The following KIAA1549L variants were observed in gnomAD, a reference collection of about 807,000 sequenced individuals.
The protein encoded by KIAA1549L is KIAA1549 like, also known as UPF0606 protein KIAA1549L.
In KIAA1549L, 88 loss-of-function variants were observed where a neutral mutation model predicts 160.7. The ratio of observed to expected loss-of-function variants is 0.55; its 90% CI spans 0.46 to 0.65. The LOEUF is 0.65. Ranked by LOEUF, KIAA1549L falls within the 30% of genes least tolerant of loss-of-function variation. The pLI is 0.00. For missense variants in KIAA1549L, 2,258 were observed against 2,437.5 expected, an observed-to-expected ratio of 0.93 and a Z score of 1.55; for synonymous variants, 950 against 976.7, an observed-to-expected ratio of 0.97 and a Z score of 0.51.
At chr11:33,638,116 T>A (rs1460568903) in intron 16 of KIAA1549L, among the ~76,000 whole-genome samples, 1 of 152,270 alleles carries the variant, frequency 6.6e-6, no homozygotes, top group Middle Eastern at 3.4e-3. Context: ...TATGGGAAAA[T>A]TGACATATGG....
rs527339654 is a variant in KIAA1549L, at chr11:33,629,891, G to C, written c.5409+11229G>C. Reference sequence around the variant, plus strand: ...GCTTTTTAGAGTTTCCAGTTTTTCTGCTCTGTTTTTCCCCATCTTTGTGGT... The same window carrying C: ...GCTTTTTAGAGTTTCCAGTTTTTCTCCTCTGTTTTTCCCCATCTTTGTGGT... On this transcript the variant is annotated intron_variant, in intron 16 of 20. Coordinates refer to ENST00000658780, the MANE Select transcript of KIAA1549L (RefSeq NM_012194.3). Among the ~76,000 whole-genome samples the C allele has an allele frequency of 3.9e-3, 274 of 69,426 alleles. 3 individuals carry two copies. Among genetic ancestry groups the C allele is most frequent in the African/African-American group, 0.034 (263 of 7,794 alleles). 45.5% of individuals were successfully genotyped at this position (69,426 alleles called of 152,430 possible). A position where few individuals can be genotyped will look rare whatever the true frequency, so the allele number is the denominator to read the frequency against.
intron 19 of KIAA1549L, among the ~76,000 whole-genome samples, chr11:33,659,208 C>G (rs1450875673): frequency 6.6e-6 from 1 of 152,214 alleles, no homozygotes; most frequent in Non-Finnish European, 1.5e-5. Flanking sequence ...CATCCACCCC[C>G]ATTTCATTCC....
chr11:33,501,811 C>A (rs1852955780), intron 1 of KIAA1549L, among the ~76,000 whole-genome samples: 1 of 152,060 alleles, frequency 6.6e-6, no homozygotes, highest in Non-Finnish European at 1.5e-5. Context: ...TCCAAGGTAG[C>A]TACAATTATC....
chr11:33,573,006 T>A (rs996154357), intron 9 of KIAA1549L, among the ~76,000 whole-genome samples: 7 of 152,254 alleles, frequency 4.6e-5, no homozygotes. Flanking sequence ...TAGAGTGGTC[T>A]CTTGTGGTTT....
chr11:33,377,952 G>A (rs1849990184), intron 1 of KIAA1549L, among the ~76,000 whole-genome samples: 1 of 152,160 alleles, frequency 6.6e-6, no homozygotes, highest in Admixed American at 6.5e-5. Context: ...TGGTGCTTGT[G>A]CTTGCGAGTT....
chr11:33,454,062 G>A (rs1851773582), intron 1 of KIAA1549L, among the ~76,000 whole-genome samples: 2 of 152,180 alleles, frequency 1.3e-5, no homozygotes, highest in Admixed American at 6.5e-5. Context: ...TTAAGGGCAA[G>A]CATGCGATCC....
chr11:33,645,588 T>G, intron 16 of KIAA1549L, 98 bp from the exon 17 acceptor site: 1 of 882,844 alleles, frequency 1.1e-6, no homozygotes, highest in Non-Finnish European at 1.8e-6. Flanking sequence ...CACAGATGCA[T>G]CCTAGCACCT....
intron 16 of KIAA1549L, among the ~76,000 whole-genome samples, chr11:33,639,626 G>A (rs987428398): frequency 1.3e-5 from 2 of 152,048 alleles, no homozygotes; most frequent in East Asian, 1.9e-4. Flanking sequence ...TGCAACCTCC[G>A]CCTCCCGGGC....
chr11:33,510,772 C>T (rs544868739), intron 1 of KIAA1549L, among the ~76,000 whole-genome samples: 6 of 152,342 alleles, frequency 3.9e-5, no homozygotes, highest in Admixed American at 6.5e-5. Flanking sequence ...GTGCAGAGGC[C>T]GCTCCAGTGG....
chr11:33,591,286 C>A lies in KIAA1549L; in HGVS notation c.4616C>A (p.Ala1539Glu), dbSNP rs1223711249. ...YAKQHLGQQG[A>E]DEEVIPVTQE... ...AAGCAACACCTGGGCCAGCAAGGGG[C>A]AGATGAGGAGGTCATCCCTGTGACT... The change falls in exon 12 of 21, where the codon GCA becomes GAA. Residue 1539 changes from alanine to glutamate, a missense_variant. By Grantham distance (107) the Ala-to-Glu change is moderately radical. Around this residue, in one of 6 missense-constraint regions of KIAA1549L, gnomAD observed 1,359 missense variants for 1,546.6 expected, o/e 0.88. Transcript: ENST00000658780. 6.2e-7 allele frequency: 1 copy of A among 1,613,486 alleles called. No individual in the cohort carries two copies. The highest frequency in any genetic ancestry group is 1.3e-5 in the African/African-American group (1 of 74,936).
At chr11:33,561,146 A>G (rs1854845617) in intron 7 of KIAA1549L, among the ~76,000 whole-genome samples, 1 of 152,230 alleles carries the variant, frequency 6.6e-6, no homozygotes, top group South Asian at 2.1e-4. Flanking sequence ...TTGACACTGA[A>G]AAAATCTATC....
intron 16 of KIAA1549L, among the ~76,000 whole-genome samples, chr11:33,630,622 C>G (rs550932286): frequency 9.6e-4 from 147 of 152,354 alleles, no homozygotes; most frequent in African/African-American, 3.3e-3. Flanking sequence ...TGAGGCAATG[C>G]CTCGCCCTGC....
intron 1 of KIAA1549L, among the ~76,000 whole-genome samples, chr11:33,411,453 T>C (rs12789282): frequency 0.3 from 45,401 of 152,100 alleles, 8,312 homozygotes; most frequent in Non-Finnish European, 0.4. Flanking sequence ...CCAGATTGCA[T>C]ACCTCTCGGC....
At chr11:33,585,031 A>G (rs540736133) in intron 11 of KIAA1549L, among the ~76,000 whole-genome samples, 1 of 152,176 alleles carries the variant, frequency 6.6e-6, no homozygotes. Context: ...AAGGATTTTT[A>G]TTGTTTGTTA....
intron 12 of KIAA1549L, among the ~76,000 whole-genome samples, chr11:33,595,787 G>A (rs997022812): frequency 2.0e-5 from 3 of 152,180 alleles, no homozygotes; most frequent in African/African-American, 4.8e-5. Context: ...GGGTCTGTTA[G>A]ATGATCCAAG....
rs754987745 is a variant in KIAA1549L, at chr11:33,544,260, T to C, written c.2697T>C (p.Ser899=). 2.5e-6 allele frequency: 4 copies of C among 1,614,030 alleles called. No individual in the cohort carries two copies. In the Admixed American group the frequency reaches 6.7e-5, roughly 27 times the overall value. ...TGGGATATCACTCTGCTGCTGAATCTTCTATATCGACCAGTGTCTTTCCCA... is the reference window on the plus strand; with the variant it reads ...TGGGATATCACTCTGCTGCTGAATCCTCTATATCGACCAGTGTCTTTCCCA... ...NILGYHSAAE[S]SISTSVFPRT... Residue 899 remains serine (S), a synonymous_variant, in exon 2 of 21, where the codon TCT becomes TCC. Coordinates refer to ENST00000658780, the MANE Select transcript of KIAA1549L (RefSeq NM_012194.3).
At chr11:33,466,011 A>C (rs1178165676) in intron 1 of KIAA1549L, among the ~76,000 whole-genome samples, 1 of 152,256 alleles carries the variant, frequency 6.6e-6, no homozygotes, top group Non-Finnish European at 1.5e-5. Context: ...TAATCACAAC[A>C]TGCCTTATTA....
intron 12 of KIAA1549L, among the ~76,000 whole-genome samples, chr11:33,598,337 G>A (rs1260546869): frequency 1.3e-5 from 2 of 152,026 alleles, no homozygotes; most frequent in Non-Finnish European, 2.9e-5. Flanking sequence ...GAGAAGAGCA[G>A]CCCGAAAACT....
At chr11:33,651,774 C>T in intron 17 of KIAA1549L, among the ~76,000 whole-genome samples, 1 of 151,904 alleles carries the variant, frequency 6.6e-6, no homozygotes, top group East Asian at 1.9e-4. Context: ...GAGTATGGCA[C>T]TGACCCACTT....
Sources: allele counts gnomAD v4.1 joint callset (sites outside exome capture counted in the v4.1 genomes callset), GRCh38; gene constraint gnomAD v4.1.1; regional missense constraint gnomAD v4.1.1; transcripts MANE v1.5; gene names NCBI Gene and HGNC (gene_info 2026-07-23, HGNC 2026-07-21).